LINGO2: variants seen among roughly 807,000 people sequenced by gnomAD.
LINGO2 encodes the protein leucine rich repeat and Ig domain containing 2.
A neutral mutation model predicts 30.6 loss-of-function variants in LINGO2; 14 were observed. The observed-to-expected ratio is 0.46, with a 90% CI of 0.30 to 0.72. The LOEUF (loss-of-function observed/expected upper bound fraction) is 0.72, where lower values mean the gene tolerates loss of function less well. Ranked by LOEUF, LINGO2 falls within the 30% of genes least tolerant of loss-of-function variation. LINGO2 has a pLI of 0.07. For synonymous variants in LINGO2, 317 were observed against 288.5 expected (o/e 1.10, Z -1.00); for missense variants, 729 against 751.7 (o/e 0.97, Z 0.35).
intron 1 of LINGO2, among the ~76,000 whole-genome samples, chr9:28,647,558 C>T (rs1822753877): frequency 6.6e-6 from 1 of 151,870 alleles, no homozygotes; most frequent in African/African-American, 2.4e-5. Flanking sequence ...CATATTTTTT[C>T]CTGGATCTAT....
intron 1 of LINGO2, among the ~76,000 whole-genome samples, chr9:28,551,168 T>C (rs1822260012): frequency 6.6e-6 from 1 of 151,256 alleles, no homozygotes; most frequent in African/African-American, 2.4e-5. Context: ...CTTGTATTAA[T>C]ATTTTAAACT....
At chr9:28,731,463 C>A in the LINGO2 span, among the ~76,000 whole-genome samples, 10 of 152,024 alleles carry the variant, frequency 6.6e-5, no homozygotes, top group African/African-American at 2.4e-4. Flanking sequence ...TTTTATAGTT[C>A]CATTTATATA....
At chr9:29,157,733 T>A in the LINGO2 span, among the ~76,000 whole-genome samples, 1 of 152,000 alleles carries the variant, frequency 6.6e-6, no homozygotes, top group Admixed American at 6.6e-5. Context: ...ATGAAAACAA[T>A]AATATCTCGG....
At chr9:28,905,131 A>G in the LINGO2 span, among the ~76,000 whole-genome samples, 7,041 of 152,072 alleles carry the variant, frequency 0.046, 556 homozygotes, top group African/African-American at 0.16. Flanking sequence ...TCAACTCAAA[A>G]TGGAGTAAAG....
At chr9:28,272,329 G>GAAC (rs1822970324) in intron 4 of LINGO2, among the ~76,000 whole-genome samples, 1 of 151,924 alleles carries the variant, frequency 6.6e-6, no homozygotes, top group South Asian at 2.1e-4. Flanking sequence ...CACAGCCTAT[G>GAAC]AACTCTAGCT....
Position 28,589,473 on chromosome 9 carries a change from G to C in LINGO2, c.-365+80727C>G, listed in dbSNP as rs534076907. On this transcript the variant is annotated intron_variant, in intron 1 of 5. Transcript: ENST00000379992. ...CAAAGTCTCAGGATACAAAATCAAT[G>C]TACAAAAATCACAAGCATTCTTATA... 5.6e-3 allele frequency among the ~76,000 whole-genome samples: 856 copies of C among 152,146 alleles called. 10 individuals carry two copies. Among genetic ancestry groups the C allele is most frequent in the African/African-American group, 0.02 (825 of 41,518 alleles).
the LINGO2 span, among the ~76,000 whole-genome samples, chr9:29,187,316 T>C: frequency 6.6e-6 from 1 of 152,198 alleles, no homozygotes; most frequent in Non-Finnish European, 1.5e-5. Flanking sequence ...GTGAAGTGAA[T>C]CATCTTTTTC....
At chr9:28,421,331 T>G in intron 2 of LINGO2, among the ~76,000 whole-genome samples, 1 of 151,882 alleles carries the variant, frequency 6.6e-6, no homozygotes, top group African/African-American at 2.4e-5. Flanking sequence ...ATCAGAAGGC[T>G]TAATATTGTT....
chr9:28,710,705 C>A, the LINGO2 span, among the ~76,000 whole-genome samples: 1 of 152,178 alleles, frequency 6.6e-6, no homozygotes, highest in East Asian at 1.9e-4. Context: ...CTAGGAATAG[C>A]TTCCAGGAAT....
At chr9:28,450,956 C>G (rs1240705595) in intron 2 of LINGO2, among the ~76,000 whole-genome samples, 1 of 151,882 alleles carries the variant, frequency 6.6e-6, no homozygotes, top group Admixed American at 6.6e-5. Flanking sequence ...TATAAATGAG[C>G]CTGAGTCCTT....
At chr9:28,063,639 A>G (rs372692163) in intron 4 of LINGO2, among the ~76,000 whole-genome samples, 1 of 152,148 alleles carries the variant, frequency 6.6e-6, no homozygotes, top group South Asian at 2.1e-4. Context: ...AATTAAATTC[A>G]GATCTTTCCA....
At chr9:28,387,183 TG>T (rs1330469000) in intron 2 of LINGO2, among the ~76,000 whole-genome samples, 3 of 152,066 alleles carry the variant, frequency 2.0e-5, no homozygotes, top group Non-Finnish European at 4.4e-5. Context: ...ATCAGCACCC[TG>T]TAAAAACACA....
At chr9:28,523,498 A>T (rs1004199799) in intron 1 of LINGO2, among the ~76,000 whole-genome samples, 1 of 152,158 alleles carries the variant, frequency 6.6e-6, no homozygotes, top group African/African-American at 2.4e-5. Context: ...CCAGACTAGA[A>T]AATAAGAAAT....
the LINGO2 span, among the ~76,000 whole-genome samples, chr9:29,204,446 C>A: frequency 8.8e-6 from 1 of 113,482 alleles, no homozygotes; most frequent in African/African-American, 3.2e-5. Context: ...TTATATCTGT[C>A]CCCTTCCCAC....
chr9:29,145,731 T>A, the LINGO2 span, among the ~76,000 whole-genome samples: 3 of 152,186 alleles, frequency 2.0e-5, no homozygotes, highest in Non-Finnish European at 2.9e-5. Context: ...AGTAAGCATA[T>A]GAAAGTGTAA....
chr9:28,664,819 T>G (rs1828728947), intron 1 of LINGO2, among the ~76,000 whole-genome samples: 1 of 151,756 alleles, frequency 6.6e-6, no homozygotes, highest in Admixed American at 6.6e-5. Flanking sequence ...ACAACACAAT[T>G]CAAAGTAGCC....
At chr9:29,058,589 C>T in the LINGO2 span, among the ~76,000 whole-genome samples, 1 of 150,710 alleles carries the variant, frequency 6.6e-6, no homozygotes, top group East Asian at 1.9e-4. Flanking sequence ...CAATATAAGC[C>T]CACAGATTCA....
chr9:29,111,763 G>A, the LINGO2 span, among the ~76,000 whole-genome samples: 1 of 147,262 alleles, frequency 6.8e-6, no homozygotes, highest in Non-Finnish European at 1.5e-5. Context: ...GGAGTCGGAA[G>A]GTGGTGAGGG....
chr9:28,179,740 TTAAA>T (rs1032038564), intron 4 of LINGO2, among the ~76,000 whole-genome samples: 28 of 147,834 alleles, frequency 1.9e-4, no homozygotes, highest in Admixed American at 1.1e-3. Flanking sequence ...GTATTTTCCC[TTAAA>T]TAATCATTTA....
Sources: gnomAD v4.1 joint callset for allele counts (sites outside exome capture counted in the v4.1 genomes callset) on GRCh38, gnomAD v4.1.1 for gene constraint, MANE v1.5 for transcripts, NCBI Gene and HGNC (gene_info 2026-07-23, HGNC 2026-07-21) for gene names.